SHISA9: variants seen among roughly 807,000 people sequenced by gnomAD.
SHISA9 encodes the protein shisa family member 9.
Under a neutral mutation model 38.0 loss-of-function variants are expected in SHISA9, and 13 were observed. The ratio of observed to expected loss-of-function variants is 0.34; its 90% CI spans 0.22 to 0.54. The LOEUF is 0.54. SHISA9 is among the 20% of genes least tolerant of loss of function. The pLI, the probability that SHISA9 is intolerant of heterozygous loss-of-function variation, is 0.91. For missense variants in SHISA9, 538 were observed against 575.8 expected (o/e 0.93, Z 0.67); for synonymous variants, 275 against 242.0 (o/e 1.14, Z -1.27).
intron 2 of SHISA9, among the ~76,000 whole-genome samples, chr16:12,961,819 T>C (rs1008799194): frequency 3.9e-5 from 6 of 152,216 alleles, no homozygotes; most frequent in African/African-American, 1.2e-4. Context: ...AAGTCAGGTT[T>C]CAGCTGAGCC....
At chr16:13,432,309 G>C in the SHISA9 span, among the ~76,000 whole-genome samples, 34 of 152,238 alleles carry the variant, frequency 2.2e-4, no homozygotes, top group African/African-American at 7.0e-4. Context: ...GGAACACTGG[G>C]CAGGTGACTA....
intron 2 of SHISA9, among the ~76,000 whole-genome samples, chr16:13,023,795 T>G (rs926975974): frequency 6.6e-6 from 1 of 152,212 alleles, no homozygotes; most frequent in Non-Finnish European, 1.5e-5. Flanking sequence ...TTTTCGTGTG[T>G]CTGTTGGCTC....
the SHISA9 span, among the ~76,000 whole-genome samples, chr16:13,316,336 G>A: frequency 1.1e-4 from 17 of 152,120 alleles, no homozygotes; most frequent in African/African-American, 4.1e-4. Flanking sequence ...TTCTGTCTAG[G>A]GGATTCTGTG....
At chr16:13,384,608 G>T in the SHISA9 span, among the ~76,000 whole-genome samples, 2 of 152,110 alleles carry the variant, frequency 1.3e-5, no homozygotes, top group Admixed American at 6.6e-5. Flanking sequence ...CTTTCAGGGT[G>T]GGGAGACAGC....
intron 2 of SHISA9, among the ~76,000 whole-genome samples, chr16:12,924,258 G>T (rs747290896): frequency 6.6e-6 from 1 of 152,126 alleles, no homozygotes; most frequent in Non-Finnish European, 1.5e-5. Context: ...ATCTTCCTTG[G>T]GGGTGGGCAG....
At chr16:13,055,703 C>T (rs1182011084) in intron 2 of SHISA9, among the ~76,000 whole-genome samples, 1 of 152,242 alleles carries the variant, frequency 6.6e-6, no homozygotes, top group Non-Finnish European at 1.5e-5. Context: ...ACTCTGGAGG[C>T]TGTGTGCCAC....
At chr16:13,490,213 A>G in the SHISA9 span, among the ~76,000 whole-genome samples, 4 of 152,196 alleles carry the variant, frequency 2.6e-5, no homozygotes, top group African/African-American at 9.6e-5. Flanking sequence ...TTACGAGGGC[A>G]TGGAAGAGCA....
rs1432629671 is a variant in SHISA9 at position 13,061,514 on chromosome 16, T to C, written c.692-141880T>C. ...ATGCACTGTCCGGATTAAAGGGAACTTGGGTATAAGGCCACTTTGGAGAAT... is the reference window on the plus strand; with the variant it reads ...ATGCACTGTCCGGATTAAAGGGAACCTGGGTATAAGGCCACTTTGGAGAAT... On this transcript the variant is annotated intron_variant, in intron 2 of 4. Coordinates refer to ENST00000558583, the MANE Select transcript of SHISA9 (RefSeq NM_001145204.3). Among the ~76,000 whole-genome samples the C allele has an allele frequency of 2.6e-5, 4 of 152,198 alleles. No homozygotes were observed. The East Asian group carries it at 5.8e-4, about 22-fold the overall frequency.
intron 2 of SHISA9, among the ~76,000 whole-genome samples, chr16:13,084,859 G>A (rs2073693181): frequency 6.6e-6 from 1 of 152,222 alleles, no homozygotes; most frequent in Non-Finnish European, 1.5e-5. Context: ...GAACATTCCA[G>A]GCAGACGGAA....
At chr16:13,480,459 A>C in the SHISA9 span, among the ~76,000 whole-genome samples, 1 of 151,908 alleles carries the variant, frequency 6.6e-6, no homozygotes, top group African/African-American at 2.4e-5. Context: ...GAGAGAATGC[A>C]CTCCCCACTG....
At chr16:13,279,009 C>T in the SHISA9 span, among the ~76,000 whole-genome samples, 1 of 151,984 alleles carries the variant, frequency 6.6e-6, no homozygotes, top group Middle Eastern at 3.4e-3. Flanking sequence ...TAGAATGTCA[C>T]TTTGTGCACT....
the SHISA9 span, among the ~76,000 whole-genome samples, chr16:13,489,628 C>G: frequency 1.4e-4 from 21 of 152,178 alleles, no homozygotes; most frequent in African/African-American, 5.1e-4. Context: ...TCACTTGGCT[C>G]TCATTCATTC....
chr16:13,318,168 G>T, the SHISA9 span, among the ~76,000 whole-genome samples: 1 of 152,010 alleles, frequency 6.6e-6, no homozygotes, highest in Non-Finnish European at 1.5e-5. Context: ...GAATAAACTA[G>T]GTTTCCCAAC....
chr16:13,186,288 C>CTTT (rs113608898), intron 2 of SHISA9, among the ~76,000 whole-genome samples: 29 of 104,270 alleles, frequency 2.8e-4, no homozygotes, highest in African/African-American at 3.9e-4. Context: ...CCATCTTAAC[C>CTTT]TTTTTTTTTT....
At chr16:13,364,851 G>T in the SHISA9 span, among the ~76,000 whole-genome samples, 1 of 152,194 alleles carries the variant, frequency 6.6e-6, no homozygotes, top group Non-Finnish European at 1.5e-5. Flanking sequence ...GTAACATCCA[G>T]GCTAGGGGTT....
chr16:12,985,225 A>C (rs1317727), intron 2 of SHISA9, among the ~76,000 whole-genome samples: 27,944 of 144,558 alleles, frequency 0.19, 3,339 homozygotes, highest in Middle Eastern at 0.31. Context: ...TCAACGAAAA[A>C]TAAATAAATA....
chr16:13,475,506 A>G, the SHISA9 span, among the ~76,000 whole-genome samples: 1 of 152,050 alleles, frequency 6.6e-6, no homozygotes, highest in Non-Finnish European at 1.5e-5. Context: ...AGTGATCAAG[A>G]CAGTAATGGT....
At chr16:13,048,818 A>G (rs2141896331) in intron 2 of SHISA9, among the ~76,000 whole-genome samples, 1 of 152,340 alleles carries the variant, frequency 6.6e-6, no homozygotes, top group South Asian at 2.1e-4. Context: ...ATAACTCCAT[A>G]ATAGGTAGAG....
rs1415951504 is a variant in SHISA9, at chr16:13,239,264, C to G, written c.*3855C>G. 1 of 151,800 alleles carries G rather than the reference C, an allele frequency of 6.6e-6. No individual in the cohort carries two copies. The highest frequency in any genetic ancestry group is 2.4e-5 in the African/African-American group (1 of 41,288). The allele number at this position is 151,800 out of a possible 1,614,324, so 9.4% of individuals were successfully genotyped here. A position where few individuals can be genotyped will look rare whatever the true frequency, so the allele number is the denominator to read the frequency against. ...TTGGACTTTTGGGTTGGTTCCAAGTCTTTGCTATTGTGAATAGTGCCGCAA... is the reference window on the plus strand; with the variant it reads ...TTGGACTTTTGGGTTGGTTCCAAGTGTTTGCTATTGTGAATAGTGCCGCAA... On this transcript the variant is annotated 3_prime_UTR_variant, in exon 5 of 5. Transcript: ENST00000558583.
Sources: gnomAD v4.1 joint callset for allele counts (sites outside exome capture counted in the v4.1 genomes callset) on GRCh38, gnomAD v4.1.1 for gene constraint, MANE v1.5 for transcripts, NCBI Gene and HGNC (gene_info 2026-07-23, HGNC 2026-07-21) for gene names.